The following NTNG2 variants were observed in gnomAD, a reference collection of about 807,000 sequenced individuals.
NTNG2 encodes the protein netrin-G2.
In NTNG2, 15 loss-of-function variants were observed where a neutral mutation model predicts 47.6. The ratio of observed to expected loss-of-function variants is 0.32; its 90% CI spans 0.21 to 0.49. The LOEUF is 0.49. Among genes scored for constraint, NTNG2 ranks in the 20% least tolerant of loss-of-function variants. The pLI is 0.99. For synonymous variants in NTNG2, 307 were observed against 324.6 expected (o/e 0.95, Z 0.58); for missense variants, 578 against 764.6 (o/e 0.76, Z 2.88).
At chr9:132,191,535 G>A (rs1027784382) in intron 2 of NTNG2, among the ~76,000 whole-genome samples, 1 of 149,424 alleles carries the variant, frequency 6.7e-6, no homozygotes, top group Non-Finnish European at 1.5e-5. Flanking sequence ...GCCCAAAACT[G>A]TATGGAAAAT....
chr9:132,213,199 A>G (rs954360416), intron 3 of NTNG2, among the ~76,000 whole-genome samples: 10 of 152,096 alleles, frequency 6.6e-5, no homozygotes, highest in African/African-American at 2.4e-4. Flanking sequence ...GTGCATGCCT[A>G]TAATCCTGGA....
intron 2 of NTNG2, among the ~76,000 whole-genome samples, chr9:132,185,125 CA>C (rs1837259280): frequency 6.6e-6 from 1 of 152,040 alleles, no homozygotes; most frequent in African/African-American, 2.4e-5. Context: ...CAAGGCGGGG[CA>C]GGGGAGAACA....
At chr9:132,210,911 C>G (rs1337524902) in intron 3 of NTNG2, among the ~76,000 whole-genome samples, 3 of 152,112 alleles carry the variant, frequency 2.0e-5, no homozygotes, top group African/African-American at 7.2e-5. Flanking sequence ...CACACACACA[C>G]GCAGCCATTC....
rs550944908 is a variant in NTNG2 at position 132,235,891 on chromosome 9, G to C, written c.1055-3213G>C. On this transcript the variant is annotated intron_variant, in intron 5 of 7. Transcript: ENST00000393229. ...CACGGGTGTAGAATGTCGGTGCCTG[G>C]GGAGCTCTAGGGCACAGTGGTGAGG... is the stretch of plus-strand genomic sequence containing the variant. Among the ~76,000 whole-genome samples, 31 of 149,186 alleles carry C rather than the reference G, an allele frequency of 2.1e-4. No individual in the cohort carries two copies. The South Asian group carries it at 6.6e-3, about 32-fold the overall frequency.
intron 3 of NTNG2, among the ~76,000 whole-genome samples, chr9:132,203,402 A>C (rs1838930562): frequency 6.6e-6 from 1 of 152,112 alleles, no homozygotes; most frequent in Admixed American, 6.6e-5. Context: ...GATAATGTAC[A>C]TGGGTACCTA....
intron 2 of NTNG2, among the ~76,000 whole-genome samples, chr9:132,183,228 T>A (rs1272682132): frequency 6.6e-6 from 1 of 152,114 alleles, no homozygotes; most frequent in African/African-American, 2.4e-5. Context: ...CACACTTTGT[T>A]CCCAGGCTCT....
At chr9:132,213,122 C>T (rs1839719815) in intron 3 of NTNG2, among the ~76,000 whole-genome samples, 2 of 152,048 alleles carry the variant, frequency 1.3e-5, no homozygotes, top group African/African-American at 4.8e-5. Context: ...CCAGCCTGGC[C>T]AACATAGTAA....
At chr9:132,239,064 C>T (rs371477527) in intron 5 of NTNG2, 40 bp from the exon 6 acceptor site, 9 of 1,594,352 alleles carry the variant, frequency 5.6e-6, no homozygotes, top group Non-Finnish European at 7.7e-6. Flanking sequence ...TCCCTGAATG[C>T]TCGCTGACCA....
rs1376268161 is a variant in NTNG2, at chr9:132,215,242, CTGGCAACCATTG to C, written c.858-11601_858-11590del. Among the ~76,000 whole-genome samples the C allele has an allele frequency of 6.6e-6, 1 of 152,122 alleles. No individual in the cohort carries two copies. Among genetic ancestry groups the C allele is most frequent in the Non-Finnish European group, 1.5e-5 (1 of 68,036 alleles). ...TGTCCTGTATTTTTATTTGGGAAATCTGGCAACCATTGTGGCATGGGGCTCTGTGGGGAAATG... is the reference window on the plus strand; with the variant it reads ...TGTCCTGTATTTTTATTTGGGAAATCTGGCATGGGGCTCTGTGGGGAAATG... On this transcript the variant is annotated intron_variant, in intron 3 of 7. Coordinates refer to ENST00000393229, the MANE Select transcript of NTNG2 (RefSeq NM_032536.4). This position sits in a 1 kb window ranked among gnomAD's most constrained non-coding sequence, Gnocchi z 4.2.
intron 3 of NTNG2, among the ~76,000 whole-genome samples, chr9:132,220,602 C>T (rs1840288512): frequency 6.6e-6 from 1 of 152,104 alleles, no homozygotes; most frequent in African/African-American, 2.4e-5. Context: ...TACAGGCACC[C>T]ACCACCACAC....
At chr9:132,192,253 A>G (rs1254998096) in intron 2 of NTNG2, among the ~76,000 whole-genome samples, 2 of 152,244 alleles carry the variant, frequency 1.3e-5, no homozygotes, top group East Asian at 3.9e-4. Context: ...ACTGGGGTAA[A>G]CTGGTCTTCT....
In NTNG2 at chr9:132,200,205, G is replaced by C. The variant is rs148482237; in HGVS notation, c.857+1596G>C. 5.9e-5 allele frequency among the ~76,000 whole-genome samples: 9 copies of C among 152,332 alleles called. No homozygotes were observed. In the East Asian group the frequency reaches 1.7e-3, roughly 29 times the overall value. On this transcript the variant is annotated intron_variant, in intron 3 of 7. Coordinates refer to ENST00000393229, the MANE Select transcript of NTNG2 (RefSeq NM_032536.4). ...CAAAATAATGGAGTGAGAGGGCTGG[G>C]GCGGGCTGAGGGAGGAGAGAGTTGA... is the stretch of plus-strand genomic sequence containing the variant.
intron 3 of NTNG2, among the ~76,000 whole-genome samples, chr9:132,202,463 C>T (rs771203654): frequency 2.0e-5 from 3 of 152,234 alleles, no homozygotes; most frequent in Non-Finnish European, 2.9e-5. Context: ...GTCCCAGCCA[C>T]GCCCCCTCCC....
At chr9:132,230,031 C>T (rs1295057070) in intron 4 of NTNG2, among the ~76,000 whole-genome samples, 1 of 152,230 alleles carries the variant, frequency 6.6e-6, no homozygotes, top group Admixed American at 6.5e-5. Flanking sequence ...TAAGGAAGTT[C>T]CCTCATAGGG....
chr9:132,225,122 G>A (rs139789314), intron 3 of NTNG2, among the ~76,000 whole-genome samples: 39 of 152,260 alleles, frequency 2.6e-4, no homozygotes, highest in South Asian at 2.1e-3. Flanking sequence ...TCACCATGTC[G>A]GACAGGCTGG....
chr9:132,206,760 T>G (rs1450830275), intron 3 of NTNG2, among the ~76,000 whole-genome samples: 1 of 152,280 alleles, frequency 6.6e-6, no homozygotes, highest in South Asian at 2.1e-4. Flanking sequence ...TTCACACACC[T>G]TCAACTGCAT....
At chr9:132,194,797 C>G (rs1838158337) in intron 2 of NTNG2, among the ~76,000 whole-genome samples, 1 of 152,260 alleles carries the variant, frequency 6.6e-6, no homozygotes, top group Non-Finnish European at 1.5e-5. Context: ...AGCCCTGCCA[C>G]CGAGGAGCCC....
intron 6 of NTNG2, among the ~76,000 whole-genome samples, chr9:132,239,640 T>G (rs537312962): frequency 8.5e-5 from 13 of 152,176 alleles, no homozygotes; most frequent in South Asian, 6.2e-4. Context: ...GGCTGGTGTG[T>G]GGGGGGGTCC....
chr9:132,215,645 G>A lies in NTNG2; in HGVS notation c.858-11204G>A, dbSNP rs559943591. Among the ~76,000 whole-genome samples, 1 of 152,290 alleles carries A rather than the reference G, an allele frequency of 6.6e-6. No homozygotes were observed. Among genetic ancestry groups the A allele is most frequent in the South Asian group, 2.1e-4 (1 of 4,830 alleles). On this transcript the variant is annotated intron_variant, in intron 3 of 7. Transcript: ENST00000393229. The surrounding 1 kb of genome is among the most constrained non-coding windows in gnomAD (Gnocchi z 4.2). ...GTTACTGAATCCTCCAAGAGGCCAG[G>A]GGGTGTGTCACCTCTTGGGGCGCCC...
Sources: gnomAD v4.1 joint callset for allele counts (sites outside exome capture counted in the v4.1 genomes callset) on GRCh38, gnomAD v4.1.1 for gene constraint, Gnocchi (gnomAD v3.1) non-coding constraint, MANE v1.5 for transcripts, NCBI Gene and HGNC (gene_info 2026-07-23, HGNC 2026-07-21) for gene names.